Variants in ARMC3 observed in about 807,000 individuals in gnomAD.
The protein encoded by ARMC3 is armadillo repeat-containing protein 3.
ARMC3 carries 74 observed loss-of-function variants against 90.3 expected under a neutral mutation model. That is an observed-to-expected ratio of 0.82 (90% CI 0.68 to 0.99). The LOEUF is 0.99. Among genes scored for constraint, ARMC3 ranks in the 50% least tolerant of loss-of-function variants. The probability of loss-of-function intolerance (pLI) is 0.00; values close to 1 mark genes in which losing one functional copy is unlikely to be tolerated. For synonymous variants in ARMC3, 334 were observed against 361.8 expected (o/e 0.92, Z 0.87); for missense variants, 958 against 1,042.8 (o/e 0.92, Z 1.12).
intron 6 of ARMC3, 106 bp from the exon 7 acceptor site, chr10:22,961,778 A>G: frequency 1.1e-6 from 1 of 950,292 alleles, no homozygotes; most frequent in Non-Finnish European, 1.5e-6. Flanking sequence ...GGAATAAAAG[A>G]TGGGCAAATT....
chr10:22,946,133 C>T lies in ARMC3; in HGVS notation c.49-11C>T. On this transcript the variant is annotated splice_polypyrimidine_tract_variant and intron_variant, in intron 2 of 18. Transcript: ENST00000298032. Reference sequence around the variant, plus strand: ...ATATGTGAAACTGATAGTTTTCTTTCTGCCTTTCAGTTTGACCCATTAATG... The same window carrying T: ...ATATGTGAAACTGATAGTTTTCTTTTTGCCTTTCAGTTTGACCCATTAATG... 6.5e-7 allele frequency: 1 copy of T among 1,547,486 alleles called. No homozygotes were observed. The highest frequency in any genetic ancestry group is 1.2e-5 in the South Asian group (1 of 84,718).
intron 4 of ARMC3, among the ~76,000 whole-genome samples, chr10:22,958,200 C>T (rs934415233): frequency 2.6e-5 from 4 of 152,056 alleles, no homozygotes; most frequent in African/African-American, 9.7e-5. Context: ...AGGTTAGAGC[C>T]CTGCACACAG....
chr10:22,969,612 C>T (rs1213635960), intron 8 of ARMC3, among the ~76,000 whole-genome samples: 2 of 152,150 alleles, frequency 1.3e-5, no homozygotes, highest in African/African-American at 4.8e-5. Flanking sequence ...GTTGTGAAAT[C>T]AAGGTTTCTT....
chr10:22,968,402 A>C lies in ARMC3; in HGVS notation c.829A>C (p.Lys277Gln). 2 of 1,613,464 alleles carry C rather than the reference A, an allele frequency of 1.2e-6. No individual in the cohort carries two copies. Among genetic ancestry groups the C allele is most frequent in the Non-Finnish European group, 1.7e-6 (2 of 1,179,746 alleles). Residue 277 changes from lysine (K) to glutamine (Q), a missense_variant, in exon 8 of 19, where the codon AAA (lysine) becomes CAA (glutamine). Physicochemically the swap from Lys to Gln is moderately conservative, Grantham distance 53 (BLOSUM62 1). Transcript: ENST00000298032. Reference sequence around the variant, plus strand: ...GCAGATTCAGCAGACAGGGGGTCTTAAAAAGCTCCTGTCATTTGCAGAAAA... The same window carrying C: ...GCAGATTCAGCAGACAGGGGGTCTTCAAAAGCTCCTGTCATTTGCAGAAAA... The part of the protein sequence containing the change: ...MVQIQQTGGL[K>Q]KLLSFAENST...
chr10:23,034,082 A>T (rs758173466), intron 18 of ARMC3, among the ~76,000 whole-genome samples: 4 of 152,128 alleles, frequency 2.6e-5, no homozygotes, highest in Non-Finnish European at 1.5e-5. Context: ...TCCAGTTCCA[A>T]GCGAATTCTA....
At chr10:22,983,648 TA>T (rs1836285528) in intron 10 of ARMC3, among the ~76,000 whole-genome samples, 1 of 152,168 alleles carries the variant, frequency 6.6e-6, no homozygotes, top group Admixed American at 6.5e-5. Context: ...TTTTCTGAGC[TA>T]AAAAATATTG....
chr10:23,034,655 G>A (rs1163955411), intron 18 of ARMC3, among the ~76,000 whole-genome samples: 1 of 152,068 alleles, frequency 6.6e-6, no homozygotes, highest in Non-Finnish European at 1.5e-5. Context: ...CTAACTCACG[G>A]CCATCTGGCT....
In ARMC3 at chr10:22,981,649, C is replaced by G. The variant is rs1283613935; in HGVS notation, c.1124C>G (p.Ala375Gly). The G allele has an allele frequency of 1.2e-6, 2 of 1,614,020 alleles. No homozygotes were observed. The highest frequency in any genetic ancestry group is 1.7e-6 in the Non-Finnish European group (2 of 1,180,016). ...LKSDNEEVREAAALALANLTT... is the reference protein window; with the variant it reads ...LKSDNEEVREGAALALANLTT... ...AGTGACAATGAAGAGGTACGGGAAG[C>G]AGCAGCTCTAGCCCTGGCAAACCTA... Residue 375 changes from alanine (A) to glycine (G), a missense_variant, in exon 10 of 19, where the codon GCA (alanine) becomes GGA (glycine). Transcript: ENST00000298032.
chr10:23,004,517 C>T (rs905952280), intron 13 of ARMC3, among the ~76,000 whole-genome samples: 38 of 151,910 alleles, frequency 2.5e-4, no homozygotes, highest in African/African-American at 8.9e-4. Context: ...CTGTATCCTT[C>T]CTGAGGTCAT....
intron 5 of ARMC3, 49 bp downstream of exon 5, chr10:22,959,187 C>G: frequency 6.7e-7 from 1 of 1,491,624 alleles, no homozygotes; most frequent in Non-Finnish European, 9.4e-7. Context: ...TGGTTTTTTA[C>G]ACTTGATTAA....
chr10:23,013,245 A>G (rs1446545183), intron 16 of ARMC3, among the ~76,000 whole-genome samples: 2 of 152,116 alleles, frequency 1.3e-5, no homozygotes, highest in Admixed American at 6.5e-5. Context: ...ACTCTGCCTA[A>G]AACAAAGTTC....
intron 16 of ARMC3, among the ~76,000 whole-genome samples, chr10:23,024,607 T>C (rs1234069074): frequency 6.6e-6 from 1 of 152,186 alleles, no homozygotes; most frequent in East Asian, 1.9e-4. Flanking sequence ...CAGTAAAATG[T>C]GGATACCAGT....
chr10:22,992,810 C>CA (rs145051416), intron 10 of ARMC3, among the ~76,000 whole-genome samples: 25,385 of 152,088 alleles, frequency 0.17, 2,227 homozygotes, highest in South Asian at 0.2. Flanking sequence ...TACAGCATTC[C>CA]AAATCTGGCT....
intron 16 of ARMC3, among the ~76,000 whole-genome samples, chr10:23,009,701 G>A (rs1837822130): frequency 6.6e-6 from 1 of 152,184 alleles, no homozygotes; most frequent in Non-Finnish European, 1.5e-5. Flanking sequence ...GTTTCACCCT[G>A]TTGGCCAGGC....
chr10:22,954,088 G>T (rs560474088), intron 3 of ARMC3, among the ~76,000 whole-genome samples: 2 of 152,076 alleles, frequency 1.3e-5, no homozygotes, highest in Admixed American at 1.3e-4. Flanking sequence ...ATCTCATTGC[G>T]GTTTTAATTT....
At chr10:23,026,320 T>C (rs1252581657) in intron 16 of ARMC3, among the ~76,000 whole-genome samples, 1 of 152,090 alleles carries the variant, frequency 6.6e-6, no homozygotes, top group Non-Finnish European at 1.5e-5. Flanking sequence ...CTCATGAACA[T>C]AGATCCCTAA....
intron 2 of ARMC3, among the ~76,000 whole-genome samples, chr10:22,937,152 C>G (rs1286382619): frequency 6.6e-6 from 1 of 152,324 alleles, no homozygotes; most frequent in South Asian, 2.1e-4. Context: ...ATCTTCCCCC[C>G]TCGGCCTCCC....
intron 13 of ARMC3, among the ~76,000 whole-genome samples, chr10:23,005,257 C>T (rs562801828): frequency 9.2e-4 from 114 of 124,092 alleles, no homozygotes; most frequent in Admixed American, 5.6e-3. Flanking sequence ...GGAAAACAAA[C>T]AAGAAAACTG....
At chr10:23,020,109 G>GT (rs1193604994) in intron 16 of ARMC3, among the ~76,000 whole-genome samples, 17 of 151,032 alleles carry the variant, frequency 1.1e-4, no homozygotes, top group Non-Finnish European at 1.9e-4. Context: ...GTGTGTGAAT[G>GT]TAAGTTTTTG....
Sources: allele counts gnomAD v4.1 joint callset (sites outside exome capture counted in the v4.1 genomes callset), GRCh38; gene constraint gnomAD v4.1.1; transcripts MANE v1.5; gene names NCBI Gene and HGNC (gene_info 2026-07-23, HGNC 2026-07-21).